Variants in FAM117B observed in about 807,000 individuals in gnomAD.
FAM117B encodes the protein protein FAM117B.
In FAM117B, 22 loss-of-function variants were observed where a neutral mutation model predicts 52.8. The observed-to-expected ratio is 0.42, with a 90% CI of 0.30 to 0.59. The LOEUF (loss-of-function observed/expected upper bound fraction) is 0.59. FAM117B is among the 20% of genes least tolerant of loss of function. The probability of loss-of-function intolerance (pLI) is 0.22; values close to 1 mark genes in which losing one functional copy is unlikely to be tolerated. For synonymous variants in FAM117B, 309 were observed against 324.1 expected (o/e 0.95, Z 0.50); for missense variants, 678 against 802.6 (o/e 0.84, Z 1.88).
chr2:202,654,979 CAGAAAA>C (rs1431478772), intron 1 of FAM117B, among the ~76,000 whole-genome samples: 2 of 151,604 alleles, frequency 1.3e-5, no homozygotes, highest in African/African-American at 4.8e-5. Flanking sequence ...CAAAACAAAA[CAGAAAA>C]AGAAAAAGAA....
In FAM117B at chr2:202,635,763, C is replaced by T. The variant is rs1261713755; in HGVS notation, c.576C>T (p.Ser192=). The T allele has an allele frequency of 1.4e-6, 2 of 1,455,366 alleles. No homozygotes were observed. The highest frequency in any genetic ancestry group is 1.8e-6 in the Non-Finnish European group (2 of 1,106,348). 90.2% of individuals were successfully genotyped at this position (1,455,366 alleles called of 1,614,324 possible). A position where few individuals can be genotyped will look rare whatever the true frequency, so the allele number is the denominator to read the frequency against. ...GCCGAAGCTCGCCGGAGAAGAGGAG[C>T]CCCAGCGCCCCGGTTTGCAAAGCAG... ...EQSRSSPEKR[S]PSAPVCKAGD... is the part of the protein sequence containing the mutation. The change falls in exon 1 of 8, where the codon AGC becomes AGT. Residue 192 remains serine, a synonymous_variant. Transcript: ENST00000392238.
chr2:202,660,863 C>T (rs1690117890), intron 1 of FAM117B, among the ~76,000 whole-genome samples: 1 of 152,206 alleles, frequency 6.6e-6, no homozygotes, highest in African/African-American at 2.4e-5. Context: ...GTGGTCACTG[C>T]CGAAGCCATA....
chr2:202,740,062 A>C (rs1475507121), intron 4 of FAM117B, among the ~76,000 whole-genome samples: 1 of 148,008 alleles, frequency 6.8e-6, no homozygotes, highest in East Asian at 2.0e-4. Context: ...AGTCCCAGCT[A>C]CTTCGGAGGC....
intron 2 of FAM117B, among the ~76,000 whole-genome samples, chr2:202,712,414 GCTCT>G (rs1160579951): frequency 7.2e-6 from 1 of 138,666 alleles, no homozygotes; most frequent in African/African-American, 2.7e-5. Flanking sequence ...GAATTTATCA[GCTCT>G]CTTTTTTTTT....
intron 4 of FAM117B, among the ~76,000 whole-genome samples, chr2:202,747,531 A>G (rs80079975): frequency 3.5e-4 from 54 of 152,194 alleles, no homozygotes; most frequent in Non-Finnish European, 6.6e-4. Context: ...ACCCATTCCA[A>G]TTTATCTGTA....
chr2:202,680,478 TC>T (rs1559100827), intron 1 of FAM117B, among the ~76,000 whole-genome samples: 2 of 152,014 alleles, frequency 1.3e-5, no homozygotes. Flanking sequence ...AAAACTACAA[TC>T]ATGCAGCTCC....
At chr2:202,706,603 T>C (rs1559106438) in intron 2 of FAM117B, among the ~76,000 whole-genome samples, 1 of 152,258 alleles carries the variant, frequency 6.6e-6, no homozygotes, top group East Asian at 1.9e-4. Flanking sequence ...ACAGGTTGTT[T>C]TCTTTGAATT....
At chr2:202,728,287 C>A (rs1159077031) in intron 4 of FAM117B, among the ~76,000 whole-genome samples, 2 of 152,080 alleles carry the variant, frequency 1.3e-5, no homozygotes, top group Non-Finnish European at 2.9e-5. Flanking sequence ...CTATGTCCAG[C>A]CAAATTTATA....
chr2:202,669,369 A>G (rs2105765010), intron 1 of FAM117B, among the ~76,000 whole-genome samples: 1 of 152,296 alleles, frequency 6.6e-6, no homozygotes, highest in East Asian at 1.9e-4. Flanking sequence ...CTTATTTATC[A>G]CCAGGCTTTT....
At chr2:202,654,996 A>T (rs190111174) in intron 1 of FAM117B, among the ~76,000 whole-genome samples, 1 of 152,132 alleles carries the variant, frequency 6.6e-6, no homozygotes, top group Non-Finnish European at 1.5e-5. Flanking sequence ...AGAAAAAGAA[A>T]TGTCCCCAGG....
chr2:202,715,258 A>AC (rs1310985335), intron 2 of FAM117B, among the ~76,000 whole-genome samples: 6 of 136,728 alleles, frequency 4.4e-5, no homozygotes, highest in African/African-American at 1.7e-4. Context: ...GCGGGGGCTG[A>AC]CCCCCCACCT....
At position 202,767,650 on chromosome 2, in the gene FAM117B, A is replaced by T. The variant is rs180975623; in HGVS notation, c.*1886A>T. 2.6e-5 allele frequency: 4 copies of T among 152,328 alleles called. No individual in the cohort carries two copies. Among genetic ancestry groups the T allele is most frequent in the Admixed American group, 6.5e-5 (1 of 15,300 alleles). 9.4% of individuals were successfully genotyped at this position (152,328 alleles called of 1,614,324 possible). On this transcript the variant is annotated 3_prime_UTR_variant, in exon 8 of 8. Transcript: ENST00000392238. ...AAGGTTAATATGTCAGCTTACCCAG[A>T]CATATTCTATCAAGGAAAACCTAGT...
At chr2:202,644,738 C>T (rs1329585025) in intron 1 of FAM117B, among the ~76,000 whole-genome samples, 2 of 152,174 alleles carry the variant, frequency 1.3e-5, no homozygotes, top group Non-Finnish European at 2.9e-5. Flanking sequence ...ATAATTTTTC[C>T]ACTGGGTATT....
chr2:202,644,226 AT>A (rs1311659540), intron 1 of FAM117B, among the ~76,000 whole-genome samples: 3 of 151,942 alleles, frequency 2.0e-5, no homozygotes, highest in Non-Finnish European at 4.4e-5. Flanking sequence ...CCATGTAAAT[AT>A]TGATTACAGT....
At chr2:202,644,879 C>T (rs945706623) in intron 1 of FAM117B, among the ~76,000 whole-genome samples, 1 of 152,112 alleles carries the variant, frequency 6.6e-6, no homozygotes, top group East Asian at 1.9e-4. Context: ...ATGAGGATTG[C>T]CTTGTTGTGA....
chr2:202,714,533 CTTTTTTTTTT>C (rs1034689626), intron 2 of FAM117B, among the ~76,000 whole-genome samples: 1,246 of 117,676 alleles, frequency 0.011, 27 homozygotes, highest in African/African-American at 0.04. Context: ...TTTTTTTTTT[CTTTTTTTTTT>C]TTTTTTTATT....
At chr2:202,664,380 T>C (rs973302397) in intron 1 of FAM117B, among the ~76,000 whole-genome samples, 2 of 152,200 alleles carry the variant, frequency 1.3e-5, no homozygotes, top group South Asian at 2.1e-4. Context: ...TGAGAACTGC[T>C]CAGTGATTTG....
intron 2 of FAM117B, among the ~76,000 whole-genome samples, chr2:202,704,075 G>T (rs1336202044): frequency 1.3e-5 from 2 of 152,150 alleles, no homozygotes; most frequent in Non-Finnish European, 1.5e-5. Context: ...ATCTTTTCAT[G>T]TGCTTACTGG....
chr2:202,754,326 G>C (rs1271919581), intron 4 of FAM117B, among the ~76,000 whole-genome samples: 1 of 152,094 alleles, frequency 6.6e-6, no homozygotes, highest in Admixed American at 6.5e-5. Flanking sequence ...GTTGAACAAT[G>C]AGAACACATG....
Sources: allele counts gnomAD v4.1 joint callset (sites outside exome capture counted in the v4.1 genomes callset), GRCh38; gene constraint gnomAD v4.1.1; transcripts MANE v1.5; gene names NCBI Gene and HGNC (gene_info 2026-07-23, HGNC 2026-07-21).